The following MARCHF10 variants were observed in gnomAD, a reference collection of about 807,000 sequenced individuals.
The protein encoded by MARCHF10 is membrane associated ring-CH-type finger 10.
A neutral mutation model predicts 76.2 loss-of-function variants in MARCHF10; 64 were observed. The ratio of observed to expected loss-of-function variants is 0.84; its 90% CI spans 0.69 to 1.03. The LOEUF (loss-of-function observed/expected upper bound fraction) is 1.03, where lower values mean the gene tolerates loss of function less well. Ranked by LOEUF, MARCHF10 falls within the 50% of genes least tolerant of loss-of-function variation. MARCHF10 has a pLI of 0.00. For missense variants in MARCHF10, 875 were observed against 958.0 expected (o/e 0.91, Z 1.14); for synonymous variants, 340 against 357.5 (o/e 0.95, Z 0.55).
At chr17:62,729,864 A>G (rs918368990) in intron 6 of MARCHF10, among the ~76,000 whole-genome samples, 5 of 145,796 alleles carry the variant, frequency 3.4e-5, no homozygotes, top group Non-Finnish European at 6.1e-5. Context: ...ATGAGCCACC[A>G]TGCTCAGCCC....
rs756201371 is a variant in MARCHF10 at position 62,736,519 on chromosome 17, G to T, written c.1349C>A (p.Ser450Tyr). The T allele has an allele frequency of 3.1e-6, 5 of 1,614,190 alleles. No homozygotes were observed. In the Admixed American group the frequency reaches 5.0e-5, roughly 16 times the overall value. Residue 450 changes from serine to tyrosine, a missense_variant, in exon 6 of 11, where the codon TCT becomes TAT. Ser to Tyr is a moderately radical substitution (Grantham distance 144). Coordinates refer to ENST00000311269, the MANE Select transcript of MARCHF10 (RefSeq NM_152598.4). ...WKDYLNSSQN[S>Y]LDYFISGRPI... ...TCTGCCAGAAATAAAGTAGTCAAGA[G>T]AATTTTGAGAACTGTTTAAATAGTC...
chr17:62,777,563 C>T (rs1228643197), intron 3 of MARCHF10, among the ~76,000 whole-genome samples: 1 of 151,352 alleles, frequency 6.6e-6, no homozygotes, highest in Non-Finnish European at 1.5e-5. Context: ...ACTAAAAATA[C>T]AAAAAATTAG....
chr17:62,763,381 G>A lies in MARCHF10; in HGVS notation c.211-3375C>T, dbSNP rs1166972012. Reference sequence around the variant, plus strand: ...TCTCCAGGGAATATAATCTATAATAGTATGACAATCTTATAAATGGCCAGT... The same window carrying A: ...TCTCCAGGGAATATAATCTATAATAATATGACAATCTTATAAATGGCCAGT... On this transcript the variant is annotated intron_variant, in intron 3 of 10. Transcript: ENST00000311269. Among the ~76,000 whole-genome samples, 3 of 152,220 alleles carry A rather than the reference G, an allele frequency of 2.0e-5. No homozygotes were observed. The East Asian group carries it at 5.8e-4, about 29-fold the overall frequency.
Position 62,738,060 on chromosome 17 carries a change from TCA to T in MARCHF10, c.536-730_536-729del, listed in dbSNP as rs55902229. Reference sequence around the variant, plus strand: ...AACTGTCTCTCTCTGTCTCTCTCTGTCACACACACACACACACACACACACAC... The same window carrying T: ...AACTGTCTCTCTCTGTCTCTCTCTGTCACACACACACACACACACACACAC... On this transcript the variant is annotated intron_variant, in intron 5 of 10. Coordinates refer to ENST00000311269, the MANE Select transcript of MARCHF10 (RefSeq NM_152598.4). The surrounding 1 kb of genome is among the most constrained non-coding windows in gnomAD (Gnocchi z 4.0). 2,862 of 127,372 alleles carry T rather than the reference TCA, an allele frequency of 0.022. 44 individuals carry two copies. Among genetic ancestry groups the T allele is most frequent in the Non-Finnish European group, 0.024 (1,516 of 62,176 alleles). The allele number at this position is 127,372 out of a possible 1,614,324, so 7.9% of individuals were successfully genotyped here.
At chr17:62,705,670 A>G in intron 9 of MARCHF10, 89 bp from the exon 10 acceptor site, 1 of 1,520,482 alleles carries the variant, frequency 6.6e-7, no homozygotes, top group South Asian at 1.2e-5. Flanking sequence ...GCAACGTTCT[A>G]GGAATCCCTT....
chr17:62,753,146 C>T (rs2091945959), intron 4 of MARCHF10, among the ~76,000 whole-genome samples: 1 of 152,112 alleles, frequency 6.6e-6, no homozygotes, highest in Non-Finnish European at 1.5e-5. Context: ...GTCGCCCAGG[C>T]TGGAGTGTGG....
At chr17:62,741,929 A>C (rs994388412) in intron 5 of MARCHF10, among the ~76,000 whole-genome samples, 5 of 151,332 alleles carry the variant, frequency 3.3e-5, no homozygotes, top group Non-Finnish European at 7.4e-5. Flanking sequence ...CGATCTCCTG[A>C]CCTTGTGATC....
intron 5 of MARCHF10, 183 bp from the exon 6 acceptor site, chr17:62,737,515 C>T (rs1857845537): frequency 1.6e-6 from 1 of 612,206 alleles, no homozygotes; most frequent in Non-Finnish European, 2.8e-6. Context: ...TTTTACTGCC[C>T]CGTATTCTCC....
At chr17:62,753,152 T>C (rs1381413109) in intron 4 of MARCHF10, among the ~76,000 whole-genome samples, 1 of 152,038 alleles carries the variant, frequency 6.6e-6, no homozygotes, top group South Asian at 2.1e-4. Flanking sequence ...CAGGCTGGAG[T>C]GTGGAGTGCA....
chr17:62,798,628 G>A (rs934232165), intron 2 of MARCHF10, among the ~76,000 whole-genome samples: 3 of 152,098 alleles, frequency 2.0e-5, no homozygotes, highest in African/African-American at 7.2e-5. Context: ...AGCAGGCCAG[G>A]GAATCCATGG....
intron 3 of MARCHF10, among the ~76,000 whole-genome samples, chr17:62,765,544 G>A (rs2092309839): frequency 6.6e-6 from 1 of 151,934 alleles, no homozygotes; most frequent in Non-Finnish European, 1.5e-5. Flanking sequence ...GAGTGGCCTC[G>A]GTGATTTAAG....
At chr17:62,713,256 C>G (rs551287472) in intron 8 of MARCHF10, among the ~76,000 whole-genome samples, 4 of 152,304 alleles carry the variant, frequency 2.6e-5, no homozygotes, top group African/African-American at 9.6e-5. Context: ...TCTTTGCCAG[C>G]CAGCTTTTAT....
intron 8 of MARCHF10, among the ~76,000 whole-genome samples, chr17:62,720,833 C>T (rs2090443790): frequency 6.7e-6 from 1 of 150,124 alleles, no homozygotes; most frequent in Admixed American, 6.6e-5. Context: ...GCTTTCTGCT[C>T]AGGAGTCTCT....
intron 3 of MARCHF10, among the ~76,000 whole-genome samples, chr17:62,769,543 A>G (rs2092402160): frequency 6.6e-6 from 1 of 152,136 alleles, no homozygotes; most frequent in African/African-American, 2.4e-5. Flanking sequence ...TCTTCTGAGT[A>G]GCAGGTACTA....
At chr17:62,797,413 C>A (rs1039926667) in intron 2 of MARCHF10, among the ~76,000 whole-genome samples, 1 of 152,132 alleles carries the variant, frequency 6.6e-6, no homozygotes, top group African/African-American at 2.4e-5. Flanking sequence ...ACGATGTTGG[C>A]CAGGCTGGTT....
chr17:62,800,752 C>T (rs796247040), intron 2 of MARCHF10, among the ~76,000 whole-genome samples: 29 of 152,266 alleles, frequency 1.9e-4, no homozygotes, highest in African/African-American at 7.0e-4. Context: ...ACACTTTTTA[C>T]CTGCTCCCAG....
intron 1 of MARCHF10, chr17:62,805,168 C>A (rs745629742): frequency 1.3e-5 from 2 of 152,224 alleles, no homozygotes; most frequent in Non-Finnish European, 2.9e-5. Flanking sequence ...CCAGTCTACA[C>A]ACAAAACATA....
At chr17:62,746,366 A>T (rs2147872675) in intron 4 of MARCHF10, among the ~76,000 whole-genome samples, 1 of 152,242 alleles carries the variant, frequency 6.6e-6, no homozygotes, top group Middle Eastern at 3.4e-3. Context: ...CTGGAAAATG[A>T]GAAGATAGTC....
At position 62,781,025 on chromosome 17, in the gene MARCHF10, C is replaced by T. The variant is rs557427168; in HGVS notation, c.210+7455G>A. Reference sequence around the variant, plus strand: ...CTGGGAAGGAGGGGCGTTGCTTTCTCCGTATATCCAGAAGCCTCTTTGCTT... The same window carrying T: ...CTGGGAAGGAGGGGCGTTGCTTTCTTCGTATATCCAGAAGCCTCTTTGCTT... On this transcript the variant is annotated intron_variant, in intron 3 of 10. Coordinates refer to ENST00000311269, the MANE Select transcript of MARCHF10 (RefSeq NM_152598.4). 465 of 152,314 alleles carry T rather than the reference C, an allele frequency of 3.1e-3. 2 individuals carry two copies. Among genetic ancestry groups the T allele is most frequent in the African/African-American group, 0.011 (449 of 41,572 alleles). 9.4% of individuals were successfully genotyped at this position (152,314 alleles called of 1,614,324 possible). A position where few individuals can be genotyped will look rare whatever the true frequency, so the allele number is the denominator to read the frequency against.
Sources: allele counts gnomAD v4.1 joint callset (sites outside exome capture counted in the v4.1 genomes callset), GRCh38; gene constraint gnomAD v4.1.1; non-coding constraint Gnocchi (gnomAD v3.1); transcripts MANE v1.5; gene names NCBI Gene and HGNC (gene_info 2026-07-23, HGNC 2026-07-21).